The following LRP1B variants were observed in gnomAD, a reference collection of about 807,000 sequenced individuals.
LRP1B encodes low-density lipoprotein receptor-related protein 1B.
LRP1B carries 217 observed loss-of-function variants against 556.6 expected under a neutral mutation model. The observed-to-expected ratio is 0.39, with a 90% CI of 0.35 to 0.44. The LOEUF (loss-of-function observed/expected upper bound fraction) is 0.44, where lower values mean the gene tolerates loss of function less well. Ranked by LOEUF, LRP1B falls within the 20% of genes least tolerant of loss-of-function variation. LRP1B has a pLI of 1.00. For synonymous variants in LRP1B, 2,047 were observed against 1,865.8 expected (o/e 1.10, Z -2.50); for missense variants, 5,053 against 5,620.8 (o/e 0.90, Z 3.23).
intron 2 of LRP1B, among the ~76,000 whole-genome samples, chr2:141,720,686 A>T (rs998554669): frequency 6.6e-6 from 1 of 152,120 alleles, no homozygotes; most frequent in African/African-American, 2.4e-5. Context: ...TTTTCATTAC[A>T]GTCTTTTCAT....
At chr2:140,851,522 C>T (rs1692454554) in intron 28 of LRP1B, 130 bp downstream of exon 28, 4 of 922,056 alleles carry the variant, frequency 4.3e-6, no homozygotes, top group South Asian at 1.8e-5. Flanking sequence ...ATAGCACCAC[C>T]ACCTAAAATA....
At chr2:141,434,850 C>T (rs183846478) in intron 3 of LRP1B, among the ~76,000 whole-genome samples, 380 of 152,272 alleles carry the variant, frequency 2.5e-3, no homozygotes, top group African/African-American at 8.2e-3. Context: ...TCTGATATCC[C>T]TACTCAGATT....
chr2:141,236,253 C>G, intron 5 of LRP1B, among the ~76,000 whole-genome samples: 1 of 152,098 alleles, frequency 6.6e-6, no homozygotes. Context: ...ATAGTTAAAC[C>G]TAGGTAATTG....
intron 3 of LRP1B, among the ~76,000 whole-genome samples, chr2:141,469,300 T>A (rs919274648): frequency 6.6e-6 from 1 of 152,244 alleles, no homozygotes; most frequent in Middle Eastern, 3.2e-3. Flanking sequence ...AGCTCAGAAG[T>A]AACCAGTCTC....
intron 83 of LRP1B, among the ~76,000 whole-genome samples, chr2:140,304,990 G>T (rs747077664): frequency 1.3e-5 from 2 of 152,068 alleles, no homozygotes; most frequent in Middle Eastern, 3.4e-3. Context: ...ATTTCTGAGG[G>T]CTCTGTTCTG....
At chr2:141,708,686 G>GTACTAGCA (rs11282159) in intron 2 of LRP1B, among the ~76,000 whole-genome samples, 3 of 151,280 alleles carry the variant, frequency 2.0e-5, no homozygotes, top group African/African-American at 7.3e-5. Flanking sequence ...GTATTTTTAT[G>GTACTAGCA]CATCAGAATG....
intron 2 of LRP1B, among the ~76,000 whole-genome samples, chr2:141,692,648 T>C (rs550753370): frequency 3.6e-4 from 54 of 152,106 alleles, no homozygotes; most frequent in African/African-American, 1.3e-3. Context: ...AAGAAGGGTA[T>C]ATGTTCTGAG....
rs187625513 is a variant in LRP1B, at chr2:140,968,228, G to A, written c.2887+13932C>T. Among the ~76,000 whole-genome samples, 401 of 151,794 alleles carry A rather than the reference G, an allele frequency of 2.6e-3. 6 individuals carry two copies. The highest frequency in any genetic ancestry group is 0.018 in the East Asian group (92 of 5,158). On this transcript the variant is annotated intron_variant, in intron 18 of 90. Coordinates refer to ENST00000389484, the MANE Select transcript of LRP1B (RefSeq NM_018557.3). ...TCAGAGCCTGTTATTGGTCTATTCA[G>A]GGATTCAACTTCTTCCTGGTTTAGT...
chr2:140,976,793 G>A (rs12475545), intron 18 of LRP1B, among the ~76,000 whole-genome samples: 17,426 of 151,896 alleles, frequency 0.11, 1,117 homozygotes, highest in East Asian at 0.19. Context: ...TTACAGGTGT[G>A]AGCCACCACA....
intron 21 of LRP1B, among the ~76,000 whole-genome samples, chr2:140,912,097 G>C (rs1381199249): frequency 6.6e-6 from 1 of 151,636 alleles, no homozygotes; most frequent in Non-Finnish European, 1.5e-5. Flanking sequence ...TTTAGGGGCT[G>C]TTTGAAGCTT....
intron 3 of LRP1B, among the ~76,000 whole-genome samples, chr2:141,427,900 C>T (rs967409692): frequency 1.3e-5 from 2 of 151,948 alleles, no homozygotes; most frequent in South Asian, 2.1e-4. Flanking sequence ...AGATGGAAGC[C>T]GTCATGTGGA....
At chr2:141,215,331 C>A (rs1682754026) in intron 6 of LRP1B, among the ~76,000 whole-genome samples, 1 of 152,164 alleles carries the variant, frequency 6.6e-6, no homozygotes, top group African/African-American at 2.4e-5. Flanking sequence ...AACCTCTTTT[C>A]TTTATAAATT....
chr2:140,870,320 G>A (rs1693089022), intron 25 of LRP1B, among the ~76,000 whole-genome samples: 1 of 152,040 alleles, frequency 6.6e-6, no homozygotes, highest in Admixed American at 6.6e-5. Context: ...GAGGAACATT[G>A]GCCCAGGACG....
chr2:140,767,186 C>T (rs1443444752), intron 35 of LRP1B, among the ~76,000 whole-genome samples: 1 of 151,882 alleles, frequency 6.6e-6, no homozygotes, highest in African/African-American at 2.4e-5. Flanking sequence ...TTTTTCACTG[C>T]TGTATTCTGA....
At chr2:142,074,379 A>T (rs1705425984) in intron 1 of LRP1B, among the ~76,000 whole-genome samples, 1 of 151,674 alleles carries the variant, frequency 6.6e-6, no homozygotes, top group Non-Finnish European at 1.5e-5. Context: ...ATTTCCACTG[A>T]CCCCAAGATG....
rs1182184212 is a variant in LRP1B, at chr2:140,506,825, C to T, written c.8492G>A (p.Gly2831Glu). Residue 2831 changes from glycine to glutamate, a missense_variant, in exon 53 of 91, where the codon GGA becomes GAA. By Grantham distance (98) the Gly-to-Glu change is moderately conservative (BLOSUM62 -2). Transcript: ENST00000389484. Reference sequence around the variant, plus strand: ...CTGCGGTGACTCATCAGAGCCATCTCCACAGTCGTCATCATGGTCACAAAC... The same window carrying T: ...CTGCGGTGACTCATCAGAGCCATCTTCACAGTCGTCATCATGGTCACAAAC... ...QFVCDHDDDC[G>E]DGSDESPQCG... 6.2e-7 allele frequency: 1 copy of T among 1,613,954 alleles called. No individual in the cohort carries two copies. The highest frequency in any genetic ancestry group is 1.1e-5 in the South Asian group (1 of 91,074).
At chr2:140,967,337 C>G (rs1206364374) in intron 18 of LRP1B, among the ~76,000 whole-genome samples, 1 of 46,138 alleles carries the variant, frequency 2.2e-5, no homozygotes, top group Non-Finnish European at 6.9e-5. Flanking sequence ...CGATTTGGCT[C>G]TCTGTCTGTT....
intron 2 of LRP1B, among the ~76,000 whole-genome samples, chr2:141,555,570 G>T (rs890325027): frequency 1.3e-5 from 2 of 151,946 alleles, no homozygotes; most frequent in African/African-American, 2.4e-5. Flanking sequence ...CTTCATAAAA[G>T]AAGATTTTTA....
At chr2:140,424,000 A>G (rs1482881302) in intron 66 of LRP1B, among the ~76,000 whole-genome samples, 2 of 152,140 alleles carry the variant, frequency 1.3e-5, no homozygotes, top group Admixed American at 1.3e-4. Context: ...AACATCTACC[A>G]TGTTCCAAAA....
Sources: gnomAD v4.1 joint callset for allele counts (sites outside exome capture counted in the v4.1 genomes callset) on GRCh38, gnomAD v4.1.1 for gene constraint, MANE v1.5 for transcripts, NCBI Gene and HGNC (gene_info 2026-07-23, HGNC 2026-07-21) for gene names.